IL1RL2: variants seen among roughly 807,000 people sequenced by gnomAD.
The protein encoded by IL1RL2 is interleukin-1 receptor-like 2.
A neutral mutation model predicts 66.8 loss-of-function variants in IL1RL2; 68 were observed. The observed-to-expected ratio is 1.02, with a 90% CI of 0.84 to 1.25. The LOEUF is 1.25. Among genes scored for constraint, IL1RL2 ranks in the 50% most tolerant of loss-of-function variants. IL1RL2 has a pLI of 0.00. For missense variants in IL1RL2, 729 were observed against 709.3 expected (o/e 1.03, Z -0.32); for synonymous variants, 305 against 264.6 (o/e 1.15, Z -1.48).
chr2:102,211,077 T>C (rs1362834682), intron 5 of IL1RL2, among the ~76,000 whole-genome samples: 1 of 152,172 alleles, frequency 6.6e-6, no homozygotes, highest in African/African-American at 2.4e-5. Context: ...ATGTGTGTGA[T>C]CTAGTGGGTG....
At position 102,214,197 on chromosome 2, in the gene IL1RL2, C is replaced by A. The variant is rs540230992; in HGVS notation, c.724+2023C>A. Among the ~76,000 whole-genome samples, 248 of 152,072 alleles carry A rather than the reference C, an allele frequency of 1.6e-3. 1 individual carries two copies. Among genetic ancestry groups the A allele is most frequent in the African/African-American group, 5.8e-3 (239 of 41,490 alleles). Reference sequence around the variant, plus strand: ...GGAAATTCTAGCCAATGTATTTAGACAATTAAAAGGCAAGAGAAGGAGTTT... The same window carrying A: ...GGAAATTCTAGCCAATGTATTTAGAAAATTAAAAGGCAAGAGAAGGAGTTT... On this transcript the variant is annotated intron_variant, in intron 6 of 11. Transcript: ENST00000264257.
Position 102,192,003 on chromosome 2 carries a change from T to C in IL1RL2, c.372T>C (p.Gly124=). Residue 124 remains glycine (G), a synonymous_variant, in exon 4 of 12, where the codon GGT becomes GGC. Transcript: ENST00000264257. The part of the protein sequence containing the change: ...EKHWCDTSIG[G]LPNLSDEYKQ... ...ATTGGTGTGACACTTCCATAGGTGG[T>C]TTACCAAATTTATCAGATGAGTACA... 6.2e-7 allele frequency: 1 copy of C among 1,612,920 alleles called. No individual in the cohort carries two copies. Among genetic ancestry groups the C allele is most frequent in the Non-Finnish European group, 8.5e-7 (1 of 1,179,378 alleles).
rs773427731 is a variant in IL1RL2, at chr2:102,189,254, G to A, written c.237G>A (p.Trp79Ter). The A allele has an allele frequency of 1.9e-6, 3 of 1,613,806 alleles. No individual in the cohort carries two copies. Among genetic ancestry groups the A allele is most frequent in the Non-Finnish European group, 8.5e-7 (1 of 1,179,986 alleles). ...CTAGAATTCACCAGGACGAGACTTG[G>A]ATTTTGTTTCTCCCCATGGAATGGG... ...IQSRIHQDET[W>*]ILFLPMEWGD... Residue 79 changes from tryptophan to a stop codon, truncating the protein, a stop_gained, in exon 3 of 12, where the codon TGG becomes TGA. Coordinates refer to ENST00000264257, the MANE Select transcript of IL1RL2 (RefSeq NM_003854.4). LOFTEE classifies it high-confidence loss of function.
intron 5 of IL1RL2, among the ~76,000 whole-genome samples, chr2:102,203,563 T>C (rs150748870): frequency 6.6e-6 from 1 of 152,182 alleles, no homozygotes; most frequent in Non-Finnish European, 1.5e-5. Context: ...TTAATAAAGA[T>C]ACTTTATTAA....
intron 9 of IL1RL2, among the ~76,000 whole-genome samples, chr2:102,231,982 G>A (rs998504378): frequency 3.9e-5 from 6 of 152,138 alleles, no homozygotes; most frequent in African/African-American, 1.4e-4. Context: ...ATGGGTAAAT[G>A]GCTAGAGTTT....
At position 102,218,961 on chromosome 2, in the gene IL1RL2, C is replaced by T. The variant is rs267598804; in HGVS notation, c.733C>T (p.Leu245=). 3 of 1,612,078 alleles carry T rather than the reference C, an allele frequency of 1.9e-6. No homozygotes were observed. The highest frequency in any genetic ancestry group is 2.5e-6 in the Non-Finnish European group (3 of 1,178,744). ...HSIEVQLGTT[L]IVDCNVTDTK... ...ATATTGGTTTTTTTTAGGTACCACT[C>T]TGATTGTGGACTGCAATGTAACAGA... The change falls in exon 7 of 12, where the codon CTG becomes TTG. Residue 245 remains leucine, a synonymous_variant. Coordinates refer to ENST00000264257, the MANE Select transcript of IL1RL2 (RefSeq NM_003854.4).
intron 9 of IL1RL2, 116 bp from the exon 10 acceptor site, chr2:102,232,847 C>A: frequency 8.4e-7 from 1 of 1,189,430 alleles, no homozygotes. Context: ...ACTGGGCACT[C>A]AGAAGTCATG....
In IL1RL2 at chr2:102,226,443, G is replaced by A. The variant is rs1346600908; in HGVS notation, c.1135+402G>A. ...GAATCTGGGTCATGGAGAGGGATGAGCTGCCTGCGGTTGGAGCTCTCTCTA... is the reference window on the plus strand; with the variant it reads ...GAATCTGGGTCATGGAGAGGGATGAACTGCCTGCGGTTGGAGCTCTCTCTA... On this transcript the variant is annotated intron_variant, in intron 9 of 11. Transcript: ENST00000264257. 2.6e-5 allele frequency among the ~76,000 whole-genome samples: 4 copies of A among 152,214 alleles called. 1 individual carries two copies. Among genetic ancestry groups the A allele is most frequent in the Non-Finnish European group, 5.9e-5 (4 of 68,040 alleles).
At position 102,219,075 on chromosome 2, in the gene IL1RL2, G is replaced by A. The variant is rs1689864910; in HGVS notation, c.847G>A (p.Gly283Arg). 1 of 1,613,846 alleles carries A rather than the reference G, an allele frequency of 6.2e-7. No homozygotes were observed. Among genetic ancestry groups the A allele is most frequent in the Non-Finnish European group, 8.5e-7 (1 of 1,179,790 alleles). Residue 283 changes from glycine to arginine, a missense_variant, in exon 7 of 12, where the codon GGG (glycine) becomes AGG (arginine). Physicochemically the swap from Gly to Arg is moderately radical, Grantham distance 125. Transcript: ENST00000264257. ...TGATGAATCCAAACGAATCAGAGAA[G>A]GGGTGGAGTAGGTGTTTTGCTTTTT... ...YYDESKRIRE[G>R]VETHVSFREH...
rs1687276613 is a variant in IL1RL2, at chr2:102,192,072, T to C, written c.441T>C (p.His147=). The C allele has an allele frequency of 1.9e-6, 3 of 1,606,748 alleles. No homozygotes were observed. Among genetic ancestry groups the C allele is most frequent in the Non-Finnish European group, 2.5e-6 (3 of 1,177,674 alleles). ...HLGKDDSLTC[H]LHFPKSCVLG... ...GAAAAGATGATAGTCTCACATGTCATCTGCACTTCCCGAAGAGTTGTGTTT... is the reference window on the plus strand; with the variant it reads ...GAAAAGATGATAGTCTCACATGTCACCTGCACTTCCCGAAGAGTTGTGTTT... The change falls in exon 4 of 12, where the codon CAT becomes CAC. Residue 147 remains histidine (H), a synonymous_variant. Transcript: ENST00000264257.
chr2:102,196,944 T>C (rs973333622), intron 4 of IL1RL2, among the ~76,000 whole-genome samples: 1 of 152,186 alleles, frequency 6.6e-6, no homozygotes, highest in Non-Finnish European at 1.5e-5. Flanking sequence ...TGTGGGGCTA[T>C]AGTGAATACA....
At chr2:102,210,335 G>T (rs954489132) in intron 5 of IL1RL2, among the ~76,000 whole-genome samples, 2 of 152,132 alleles carry the variant, frequency 1.3e-5, no homozygotes, top group African/African-American at 4.8e-5. Context: ...AGATCAAGTA[G>T]GAACCAGCAA....
rs148263719 is a variant in IL1RL2 at position 102,187,858 on chromosome 2, C to G, written c.-10C>G. The G allele has an allele frequency of 1.9e-5, 31 of 1,614,128 alleles. No individual in the cohort carries two copies. In the South Asian group the frequency reaches 2.9e-4, roughly 15 times the overall value. ...ACCCTCTTCTCCCTTCCTTGCAGCC[C>G]GGTTTGGGGATGTGGTCCTTGCTGC... On this transcript the variant is annotated splice_region_variant and 5_prime_UTR_variant, in exon 2 of 12. Transcript: ENST00000264257.
intron 5 of IL1RL2, among the ~76,000 whole-genome samples, chr2:102,208,250 C>T (rs1442905553): frequency 2.6e-5 from 4 of 152,100 alleles, no homozygotes; most frequent in Admixed American, 2.6e-4. Flanking sequence ...TGGTTGTTAA[C>T]TTGGTGTCCT....
rs57984820 is a variant in IL1RL2, at chr2:102,228,875, AT to A, written c.1135+2842del. On this transcript the variant is annotated intron_variant, in intron 9 of 11. Coordinates refer to ENST00000264257, the MANE Select transcript of IL1RL2 (RefSeq NM_003854.4). ...TTCTGAGACTAATTTCCAAAGGCAG[AT>A]TTTTTTTCCCCCACAGGGAGTCCTC... 5.6e-3 allele frequency among the ~76,000 whole-genome samples: 847 copies of A among 151,804 alleles called. 13 individuals are homozygous for A. The highest frequency in any genetic ancestry group is 0.018 in the African/African-American group (734 of 41,124).
chr2:102,219,119 G>A (rs1689870345), intron 7 of IL1RL2, 37 bp downstream of exon 7: 2 of 1,611,852 alleles, frequency 1.2e-6, no homozygotes, highest in South Asian at 2.2e-5. Flanking sequence ...CTAAACGCTA[G>A]CAAGGATTTC....
At chr2:102,202,865 G>A (rs1022029077) in intron 5 of IL1RL2, among the ~76,000 whole-genome samples, 5 of 152,074 alleles carry the variant, frequency 3.3e-5, no homozygotes, top group Non-Finnish European at 7.4e-5. Context: ...TTTGGATGCC[G>A]TTTATATCTT....
intron 8 of IL1RL2, among the ~76,000 whole-genome samples, chr2:102,224,493 TA>T (rs1301686362): frequency 2.6e-5 from 4 of 152,220 alleles, no homozygotes; most frequent in Non-Finnish European, 5.9e-5. Flanking sequence ...TGCATATTTT[TA>T]CTCATTTGTG....
At chr2:102,198,480 C>G (rs1293460601) in intron 4 of IL1RL2, among the ~76,000 whole-genome samples, 2 of 152,082 alleles carry the variant, frequency 1.3e-5, no homozygotes, top group Non-Finnish European at 2.9e-5. Flanking sequence ...GTTTTGGGTC[C>G]CTATCACTGT....
Sources: gnomAD v4.1 joint callset for allele counts (sites outside exome capture counted in the v4.1 genomes callset) on GRCh38, gnomAD v4.1.1 for gene constraint, MANE v1.5 for transcripts, NCBI Gene and HGNC (gene_info 2026-07-23, HGNC 2026-07-21) for gene names.